Variants in AGO2 observed in about 807,000 individuals in gnomAD.
AGO2 encodes the protein protein argonaute-2.
A neutral mutation model predicts 102.3 loss-of-function variants in AGO2; 5 were observed. The ratio of observed to expected loss-of-function variants is 0.05; its 90% CI spans 0.03 to 0.10. The LOEUF is 0.10. Among genes scored for constraint, AGO2 ranks in the 10% least tolerant of loss-of-function variants. AGO2 has a pLI of 1.00. For synonymous variants in AGO2, 449 were observed against 473.1 expected, an observed-to-expected ratio of 0.95 and a Z score of 0.66; for missense variants, 541 against 1,183.7, an observed-to-expected ratio of 0.46 and a Z score of 7.97.
At chr8:140,609,385 G>A (rs534723090) in intron 1 of AGO2, among the ~76,000 whole-genome samples, 13 of 152,378 alleles carry the variant, frequency 8.5e-5, no homozygotes, top group African/African-American at 2.6e-4. Context: ...TCCAGCCCAC[G>A]CTTGGGGGTC....
At chr8:140,600,042 A>AAT (rs34575114) in intron 1 of AGO2, among the ~76,000 whole-genome samples, 64,391 of 151,996 alleles carry the variant, frequency 0.42, 14,444 homozygotes, top group Non-Finnish European at 0.51. Flanking sequence ...TTAAAAGGCA[A>AAT]ATGGACACAA....
chr8:140,623,689 T>C lies in AGO2; in HGVS notation c.22+11796A>G, dbSNP rs1465227214. Among the ~76,000 whole-genome samples, 11 of 152,074 alleles carry C rather than the reference T, an allele frequency of 7.2e-5. No homozygotes were observed. The East Asian group carries it at 1.9e-3, about 27-fold the overall frequency. On this transcript the variant is annotated intron_variant, in intron 1 of 18. Transcript: ENST00000220592. ...CATCAGTGCTATGGATGCAGCCCCA[T>C]GGCCCCTCCCTCCATAATGGCCACC...
intron 1 of AGO2, among the ~76,000 whole-genome samples, chr8:140,621,189 G>A (rs1041892017): frequency 2.0e-5 from 3 of 152,178 alleles, no homozygotes; most frequent in Admixed American, 6.5e-5. Flanking sequence ...CCCTGCAGCC[G>A]GTGGGCCTGC....
intron 2 of AGO2, among the ~76,000 whole-genome samples, chr8:140,575,998 AAGAG>A (rs371754119): frequency 2.0e-5 from 3 of 152,236 alleles, no homozygotes; most frequent in East Asian, 3.9e-4. Context: ...TCTTAAAAAA[AAGAG>A]AGAGAGAGGC....
chr8:140,603,486 C>T (rs542154444), intron 1 of AGO2, among the ~76,000 whole-genome samples: 30 of 152,346 alleles, frequency 2.0e-4, no homozygotes, highest in Middle Eastern at 3.4e-3. Context: ...TGGGCACCTT[C>T]GTCACCCCCA....
chr8:140,631,759 G>A (rs2074345104), intron 1 of AGO2, among the ~76,000 whole-genome samples: 1 of 152,156 alleles, frequency 6.6e-6, no homozygotes. Context: ...ACTGGGGTAT[G>A]TTCAAAACGT....
intron 1 of AGO2, among the ~76,000 whole-genome samples, chr8:140,624,105 C>T (rs2074247127): frequency 6.6e-6 from 1 of 152,166 alleles, no homozygotes; most frequent in Non-Finnish European, 1.5e-5. Flanking sequence ...TGGAACCAAG[C>T]TTGTCCATAA....
At chr8:140,626,622 G>T in intron 1 of AGO2, 1 of 152,390 alleles carries the variant, frequency 6.6e-6, no homozygotes. Context: ...CCCATCACGT[G>T]GCCAGGATTC....
At chr8:140,554,680 A>C (rs1025104989) in intron 10 of AGO2, among the ~76,000 whole-genome samples, 5 of 151,890 alleles carry the variant, frequency 3.3e-5, no homozygotes, top group Non-Finnish European at 5.9e-5. Context: ...TAAAAAACAG[A>C]ACTGTTTTTT....
intron 16 of AGO2, among the ~76,000 whole-genome samples, chr8:140,536,226 T>C (rs763245950): frequency 4.1e-4 from 63 of 152,316 alleles, no homozygotes; most frequent in Non-Finnish European, 7.9e-4. Flanking sequence ...CCACAAGCCC[T>C]GCTCCAGCAT....
intron 11 of AGO2, 40 bp downstream of exon 11, chr8:140,551,263 A>C: frequency 1.4e-6 from 2 of 1,458,066 alleles, no homozygotes; most frequent in South Asian, 2.8e-5. Flanking sequence ...CCCATCGGGC[A>C]GCACCCCCAG....
chr8:140,549,107 C>A lies in AGO2; in HGVS notation c.1588+7G>T. 5.0e-6 allele frequency: 8 copies of A among 1,596,830 alleles called. No homozygotes were observed. Among genetic ancestry groups the A allele is most frequent in the Non-Finnish European group, 6.0e-6 (7 of 1,170,242 alleles). On this transcript the variant is annotated splice_region_variant and intron_variant, in intron 12 of 18. Transcript: ENST00000220592. ...TCCCCACAGCCAGCGGGAGCGCCCA[C>A]ACCTACCGTACACGGGCGTCTTGCC...
Position 140,585,190 on chromosome 8 carries a change from G to A in AGO2, c.144C>T (p.Asp48=). The A allele has an allele frequency of 6.2e-7, 1 of 1,614,176 alleles. No individual in the cohort carries two copies. Among genetic ancestry groups the A allele is most frequent in the African/African-American group, 1.3e-5 (1 of 75,042 alleles). The change falls in exon 2 of 19, where the codon GAC becomes GAT. Residue 48 remains aspartate, a synonymous_variant. Coordinates refer to ENST00000220592, the MANE Select transcript of AGO2 (RefSeq NM_012154.5). ...AATGATAGATGTCAATTTTGGGGAT[G>A]TCCATTTCGAAGAAATTGGCCTGTA... is the stretch of plus-strand genomic sequence containing the variant. ...IKLQANFFEM[D]IPKIDIYHYE...
chr8:140,574,141 C>A (rs1301620449), intron 2 of AGO2, among the ~76,000 whole-genome samples: 1 of 120,326 alleles, frequency 8.3e-6, no homozygotes, highest in African/African-American at 3.2e-5. Context: ...CACCCCCCAA[C>A]CCCCACTTCC....
chr8:140,566,090 T>C lies in AGO2; in HGVS notation c.337-3456A>G, dbSNP rs560325385. Among the ~76,000 whole-genome samples, 9 of 152,210 alleles carry C rather than the reference T, an allele frequency of 5.9e-5. No individual in the cohort carries two copies. In the East Asian group the frequency reaches 1.7e-3, roughly 29 times the overall value. On this transcript the variant is annotated intron_variant, in intron 3 of 18. Transcript: ENST00000220592. ...TGACTGCATGGGGAATCAGCGCCTG[T>C]TATGTTTGGCTATGTCCCCACCCAA... is the stretch of plus-strand genomic sequence containing the variant.
intron 14 of AGO2, among the ~76,000 whole-genome samples, chr8:140,544,001 C>A (rs2072847068): frequency 6.6e-6 from 1 of 152,218 alleles, no homozygotes; most frequent in African/African-American, 2.4e-5. Context: ...GCCCCTATGC[C>A]CCACCTCTGA....
intron 1 of AGO2, among the ~76,000 whole-genome samples, chr8:140,632,881 C>G (rs2074358666): frequency 6.6e-6 from 1 of 151,306 alleles, no homozygotes; most frequent in Non-Finnish European, 1.5e-5. Context: ...TTGGAAGTAG[C>G]AAAACTATTT....
intron 1 of AGO2, among the ~76,000 whole-genome samples, chr8:140,601,392 C>T (rs2073932041): frequency 6.6e-6 from 1 of 152,206 alleles, no homozygotes; most frequent in Non-Finnish European, 1.5e-5. Flanking sequence ...GCCTCAACAG[C>T]GCTTGCCACC....
In AGO2 at chr8:140,532,500, G is replaced by C. The variant is rs2072615571; in HGVS notation, c.2387C>G (p.Ser796Cys). ...GTATGCTGGCGCTGGGATGGACACG[G>C]AGCGTGTGCAGCGCACGTAGGTGTG... Reference protein sequence around the residue: ...LCHTYVRCTRSVSIPAPAYYA... With the variant: ...LCHTYVRCTRCVSIPAPAYYA... Residue 796 changes from serine to cysteine, a missense_variant, in exon 18 of 19, where the codon TCC (serine) becomes TGC (cysteine). Ser to Cys is a moderately radical substitution (Grantham distance 112, BLOSUM62 -1). Around this residue, in one of 6 missense-constraint regions of AGO2, gnomAD observed 309 missense variants for 735.1 expected, o/e 0.42. Coordinates refer to ENST00000220592, the MANE Select transcript of AGO2 (RefSeq NM_012154.5). 1 of 1,614,166 alleles carries C rather than the reference G, an allele frequency of 6.2e-7. No individual in the cohort carries two copies. The highest frequency in any genetic ancestry group is 8.5e-7 in the Non-Finnish European group (1 of 1,180,054).
Sources: gnomAD v4.1 joint callset for allele counts (sites outside exome capture counted in the v4.1 genomes callset) on GRCh38, gnomAD v4.1.1 for gene constraint, gnomAD v4.1.1 regional missense constraint, MANE v1.5 for transcripts, NCBI Gene and HGNC (gene_info 2026-07-23, HGNC 2026-07-21) for gene names.